Variants in SLIT3 observed in about 807,000 individuals in gnomAD.
The protein encoded by SLIT3 is slit guidance ligand 3.
In SLIT3, 68 loss-of-function variants were observed where a neutral mutation model predicts 184.0. The ratio of observed to expected loss-of-function variants is 0.37; its 90% CI spans 0.30 to 0.45. The LOEUF is 0.45. Among genes scored for constraint, SLIT3 ranks in the 20% least tolerant of loss-of-function variants. SLIT3 has a pLI of 1.00. For synonymous variants in SLIT3, 831 were observed against 828.6 expected (o/e 1.00, Z -0.05); for missense variants, 1,707 against 2,026.0 (o/e 0.84, Z 3.02).
intron 4 of SLIT3, among the ~76,000 whole-genome samples, chr5:168,919,646 A>ATTTT (rs1562006506): frequency 4.0e-5 from 6 of 151,184 alleles, no homozygotes; most frequent in African/African-American, 1.2e-4. Flanking sequence ...AATTTTTTTA[A>ATTTT]AAAAAAAACA....
intron 4 of SLIT3, among the ~76,000 whole-genome samples, chr5:168,967,702 A>C (rs1323922776): frequency 7.2e-6 from 1 of 139,704 alleles, no homozygotes; most frequent in African/African-American, 2.5e-5. Flanking sequence ...GGCCTCCCAA[A>C]GTGCTGGGAT....
chr5:168,773,588 G>A (rs60698751), intron 13 of SLIT3, among the ~76,000 whole-genome samples: 1,537 of 151,950 alleles, frequency 0.01, 25 homozygotes, highest in African/African-American at 0.035. Context: ...CAGAAGCCCC[G>A]AGGCTAATTG....
intron 4 of SLIT3, among the ~76,000 whole-genome samples, chr5:169,167,269 T>C (rs1430579795): frequency 1.6e-4 from 14 of 85,790 alleles, no homozygotes; most frequent in African/African-American, 5.7e-4. Flanking sequence ...TTCTAAGCAC[T>C]TTTTTTTTTT....
At chr5:168,999,415 T>C (rs942598624) in intron 4 of SLIT3, among the ~76,000 whole-genome samples, 3 of 141,816 alleles carry the variant, frequency 2.1e-5, no homozygotes, top group African/African-American at 7.4e-5. Context: ...CATAAGGTTG[T>C]TGGATCAAAT....
intron 4 of SLIT3, among the ~76,000 whole-genome samples, chr5:168,956,667 G>A (rs944637558): frequency 2.6e-5 from 4 of 151,852 alleles, no homozygotes; most frequent in Non-Finnish European, 4.4e-5. Flanking sequence ...GGTGGCGGGC[G>A]CCTGTAGTCC....
At chr5:168,825,990 C>T (rs1436938741) in intron 6 of SLIT3, among the ~76,000 whole-genome samples, 1 of 152,182 alleles carries the variant, frequency 6.6e-6, no homozygotes, top group Non-Finnish European at 1.5e-5. Context: ...CCCTATCTTT[C>T]AAAGAGCAAG....
At chr5:169,112,783 T>C (rs1198092968) in intron 4 of SLIT3, among the ~76,000 whole-genome samples, 1 of 152,146 alleles carries the variant, frequency 6.6e-6, no homozygotes, top group Non-Finnish European at 1.5e-5. Flanking sequence ...GTCAGGTATC[T>C]ATCTCCTGGA....
At chr5:168,921,136 A>G (rs1581212616) in intron 4 of SLIT3, among the ~76,000 whole-genome samples, 1 of 152,202 alleles carries the variant, frequency 6.6e-6, no homozygotes. Context: ...GTGGAAAGGA[A>G]AATGATAGAA....
At chr5:169,063,415 T>G (rs750587512) in intron 4 of SLIT3, among the ~76,000 whole-genome samples, 8 of 152,174 alleles carry the variant, frequency 5.3e-5, no homozygotes, top group Admixed American at 3.3e-4. Context: ...ACCCCTTCAA[T>G]CCTTCCCACA....
At chr5:168,960,890 A>G (rs1273841845) in intron 4 of SLIT3, among the ~76,000 whole-genome samples, 1 of 152,252 alleles carries the variant, frequency 6.6e-6, no homozygotes, top group East Asian at 1.9e-4. Flanking sequence ...CATTGTACTC[A>G]GGAAAGATCT....
intron 4 of SLIT3, among the ~76,000 whole-genome samples, chr5:169,156,131 T>C (rs1411184514): frequency 6.6e-6 from 1 of 152,216 alleles, no homozygotes; most frequent in East Asian, 1.9e-4. Flanking sequence ...GGAAACATTC[T>C]GCAGAATGTC....
chr5:168,976,536 C>G (rs989045066), intron 4 of SLIT3, among the ~76,000 whole-genome samples: 1 of 152,122 alleles, frequency 6.6e-6, no homozygotes, highest in African/African-American at 2.4e-5. Flanking sequence ...CAACTAGCCT[C>G]GCTCCCAAAT....
chr5:168,748,387 A>G lies in SLIT3; in HGVS notation c.2185T>C (p.Cys729Arg), dbSNP rs1481884501. 1 of 1,519,928 alleles carries G rather than the reference A, an allele frequency of 6.6e-7. No individual in the cohort carries two copies. Among genetic ancestry groups the G allele is most frequent in the Non-Finnish European group, 8.7e-7 (1 of 1,145,566 alleles). 94.2% of individuals were successfully genotyped at this position (1,519,928 alleles called of 1,614,324 possible). ...CQLSPRCPEQ[C>R]TCMETVVRCS... ...CGCACCACTGTCTCCATACAGGTGC[A>G]CTGCTCCGGGCAGCGCGGGCTCAGC... The change falls in exon 20 of 36, where the codon TGC (cysteine) becomes CGC (arginine). Residue 729 changes from cysteine (C) to arginine (R), a missense_variant. Cys to Arg is a radical substitution (Grantham distance 180, BLOSUM62 -3). Around this residue, in one of 3 missense-constraint regions of SLIT3, gnomAD observed 1,307 missense variants for 1,511.6 expected, o/e 0.86. Transcript: ENST00000519560.
intron 4 of SLIT3, among the ~76,000 whole-genome samples, chr5:169,005,006 G>C (rs970613566): frequency 3.9e-5 from 6 of 152,120 alleles, no homozygotes; most frequent in African/African-American, 1.4e-4. Context: ...ACAAATTGAG[G>C]GTTTGTGGCA....
At chr5:168,741,478 CAA>C (rs3061744) in intron 20 of SLIT3, among the ~76,000 whole-genome samples, 12 of 81,606 alleles carry the variant, frequency 1.5e-4, no homozygotes, top group Admixed American at 1.6e-4. Context: ...GACTCGGTCT[CAA>C]AAAAAAAAAA....
At chr5:169,075,032 C>T (rs62379530) in intron 4 of SLIT3, among the ~76,000 whole-genome samples, 6,114 of 152,172 alleles carry the variant, frequency 0.04, 165 homozygotes, top group Middle Eastern at 0.095. Context: ...AGTAGTTTTA[C>T]AATGCAGGAA....
chr5:168,922,282 C>G (rs1444776850), intron 4 of SLIT3, among the ~76,000 whole-genome samples: 2 of 151,726 alleles, frequency 1.3e-5, no homozygotes, highest in East Asian at 1.9e-4. Context: ...ATGGTGAAAC[C>G]CTGTCTCTCT....
chr5:169,089,292 G>C (rs1277392966), intron 4 of SLIT3, among the ~76,000 whole-genome samples: 1 of 152,064 alleles, frequency 6.6e-6, no homozygotes, highest in African/African-American at 2.4e-5. Context: ...CTTTGTGCTG[G>C]AAACTTCTAG....
intron 4 of SLIT3, among the ~76,000 whole-genome samples, chr5:169,133,532 C>T (rs1313919646): frequency 7.9e-5 from 12 of 152,166 alleles, no homozygotes; most frequent in Non-Finnish European, 1.5e-5. Flanking sequence ...TCAAAGGATG[C>T]TCAAGGTTGT....
Sources: gnomAD v4.1 joint callset for allele counts (sites outside exome capture counted in the v4.1 genomes callset) on GRCh38, gnomAD v4.1.1 for gene constraint, gnomAD v4.1.1 regional missense constraint, MANE v1.5 for transcripts, NCBI Gene and HGNC (gene_info 2026-07-23, HGNC 2026-07-21) for gene names.